Variants in CDH11 observed in about 807,000 individuals in gnomAD.
CDH11 encodes cadherin-11.
In CDH11, 11 loss-of-function variants were observed where a neutral mutation model predicts 67.8. That is an observed-to-expected ratio of 0.16 (90% confidence interval 0.10 to 0.27). CDH11 has a LOEUF of 0.27. CDH11 is among the 10% of genes least tolerant of loss of function. The pLI, the probability that CDH11 is intolerant of heterozygous loss-of-function variation, is 1.00. For synonymous variants in CDH11, 419 were observed against 400.0 expected (o/e 1.05, Z -0.57); for missense variants, 847 against 1,031.2 (o/e 0.82, Z 2.45).
At chr16:65,032,825 T>C (rs1014291831) in intron 2 of CDH11, among the ~76,000 whole-genome samples, 1 of 152,140 alleles carries the variant, frequency 6.6e-6, no homozygotes, top group Admixed American at 6.5e-5. Flanking sequence ...CTAACTGAGA[T>C]GAGAAATATC....
At chr16:64,998,487 G>T in intron 4 of CDH11, 75 bp downstream of exon 4, 1 of 1,384,052 alleles carries the variant, frequency 7.2e-7, no homozygotes. Context: ...CCTGATTTGG[G>T]AGAACGGGCT....
At chr16:65,061,154 G>C (rs202103456) in intron 1 of CDH11, among the ~76,000 whole-genome samples, 8 of 152,206 alleles carry the variant, frequency 5.3e-5, no homozygotes, top group African/African-American at 1.9e-4. Flanking sequence ...GTGGCTATTT[G>C]GTCCTCCCAA....
chr16:64,970,101 AC>A (rs749476401), intron 11 of CDH11, among the ~76,000 whole-genome samples: 1 of 152,188 alleles, frequency 6.6e-6, no homozygotes, highest in East Asian at 1.9e-4. Context: ...CTTTAAAAAC[AC>A]GTTTTTCTAC....
In CDH11 at chr16:65,004,743, T is replaced by C. The variant is rs1299423736; in HGVS notation, c.127A>G (p.Lys43Glu). 1.2e-6 allele frequency: 2 copies of C among 1,613,706 alleles called. No individual in the cohort carries two copies. Among genetic ancestry groups the C allele is most frequent in the Non-Finnish European group, 1.7e-6 (2 of 1,179,976 alleles). ...GAGCGCTGTAGCACCTGCCCCTCCT[T>C]GCCCTTCTCATGGTGCCCATGGAAG... ...PSFHGHHEKG[K>E]EGQVLQRSKR... The change falls in exon 3 of 13, where the codon AAG becomes GAG. Residue 43 changes from lysine (K) to glutamate (E), a missense_variant. Lys to Glu is a moderately conservative substitution (Grantham distance 56). Coordinates refer to ENST00000268603, the MANE Select transcript of CDH11 (RefSeq NM_001797.4).
chr16:64,988,631 T>C (rs766960281), intron 6 of CDH11, among the ~76,000 whole-genome samples: 7 of 152,230 alleles, frequency 4.6e-5, no homozygotes, highest in South Asian at 4.1e-4. Context: ...ACATTTCCCA[T>C]CAGGTAATGA....
intron 1 of CDH11, among the ~76,000 whole-genome samples, chr16:65,098,741 A>G (rs1362406057): frequency 6.6e-6 from 1 of 152,118 alleles, no homozygotes; most frequent in African/African-American, 2.4e-5. Context: ...TCAAATGCCT[A>G]TTACTTAAGA....
Position 65,074,468 on chromosome 16 carries a change from G to T in CDH11, c.-297-20540C>A, listed in dbSNP as rs533990079. On this transcript the variant is annotated intron_variant, in intron 1 of 12. Transcript: ENST00000268603. ...CTACATAGAATGTGATCCTAGTAGTGCCTGCCTTATAGGATTGTTGCTATA... is the reference window on the plus strand; with the variant it reads ...CTACATAGAATGTGATCCTAGTAGTTCCTGCCTTATAGGATTGTTGCTATA... 3.9e-5 allele frequency among the ~76,000 whole-genome samples: 6 copies of T among 152,290 alleles called. No individual in the cohort carries two copies. In the South Asian group the frequency reaches 8.3e-4, roughly 21 times the overall value.
At chr16:65,039,339 C>T (rs2073818124) in intron 2 of CDH11, among the ~76,000 whole-genome samples, 1 of 152,174 alleles carries the variant, frequency 6.6e-6, no homozygotes, top group Non-Finnish European at 1.5e-5. Context: ...ACCAAAACAG[C>T]ATGGTACTGG....
intron 1 of CDH11, among the ~76,000 whole-genome samples, chr16:65,060,648 T>A (rs2074223858): frequency 6.6e-6 from 1 of 152,138 alleles, no homozygotes; most frequent in Admixed American, 6.5e-5. Flanking sequence ...CCAGAATAAC[T>A]TTAACCTCTT....
At chr16:64,992,286 G>T in intron 5 of CDH11, among the ~76,000 whole-genome samples, 1 of 152,162 alleles carries the variant, frequency 6.6e-6, no homozygotes, top group East Asian at 1.9e-4. Context: ...ACAATCTTCT[G>T]TAAGTCTATT....
rs375642257 is a variant in CDH11 at position 65,107,970 on chromosome 16, G to T, written c.-298+13910C>A. ...ATCTGCCTAGAGGAAGGGAATCACAGGGCAGCCTATTAGGGAAAATTTGTC... is the reference window on the plus strand; with the variant it reads ...ATCTGCCTAGAGGAAGGGAATCACATGGCAGCCTATTAGGGAAAATTTGTC... On this transcript the variant is annotated intron_variant, in intron 1 of 12. Coordinates refer to ENST00000268603, the MANE Select transcript of CDH11 (RefSeq NM_001797.4). Among the ~76,000 whole-genome samples the T allele has an allele frequency of 6.5e-4, 99 of 152,282 alleles. No homozygotes were observed. The South Asian group carries it at 0.019, about 29-fold the overall frequency.
intron 6 of CDH11, among the ~76,000 whole-genome samples, chr16:64,989,429 G>A (rs2072574723): frequency 6.6e-6 from 1 of 152,136 alleles, no homozygotes; most frequent in Non-Finnish European, 1.5e-5. Context: ...TGCGTAGTGT[G>A]GTAGGAGAAG....
At chr16:65,066,322 T>C (rs2074312649) in intron 1 of CDH11, among the ~76,000 whole-genome samples, 1 of 152,174 alleles carries the variant, frequency 6.6e-6, no homozygotes, top group African/African-American at 2.4e-5. Context: ...TGTGGCATCA[T>C]CTCCGCCAAC....
rs1224450761 is a variant in CDH11 at position 64,946,191 on chromosome 16, C to T, written c.*1412G>A. On this transcript the variant is annotated 3_prime_UTR_variant, in exon 13 of 13. Transcript: ENST00000268603. ...CCATTCTCATTAAAACATAAAATGC[C>T]ACATCATTTTACAATTAGTTAAAAT... The T allele has an allele frequency of 2.9e-6, 3 of 1,051,004 alleles. No homozygotes were observed. The African/African-American group carries it at 5.0e-5, about 17-fold the overall frequency. The allele number at this position is 1,051,004 out of a possible 1,614,324, so 65.1% of individuals were successfully genotyped here. A position where few individuals can be genotyped will look rare whatever the true frequency, so the allele number is the denominator to read the frequency against.
At chr16:64,976,709 A>G (rs972846219) in intron 8 of CDH11, among the ~76,000 whole-genome samples, 1 of 152,116 alleles carries the variant, frequency 6.6e-6, no homozygotes, top group African/African-American at 2.4e-5. Flanking sequence ...AATATACAAA[A>G]TTAGCTGGGC....
intron 1 of CDH11, among the ~76,000 whole-genome samples, chr16:65,108,694 A>AC (rs1193831514): frequency 6.6e-6 from 1 of 151,890 alleles, no homozygotes; most frequent in Admixed American, 6.6e-5. Context: ...TAAAAAAAAA[A>AC]ACTTTTAAAC....
intron 12 of CDH11, among the ~76,000 whole-genome samples, chr16:64,949,504 G>A (rs932921427): frequency 2.8e-5 from 4 of 144,126 alleles, no homozygotes; most frequent in East Asian, 2.1e-4. Context: ...TTGGCTCACC[G>A]CAACCTTTGC....
rs2071166971 is a variant in CDH11 at position 64,944,807 on chromosome 16, A to G, written c.*2796T>C. 4.4e-6 allele frequency: 1 copy of G among 229,162 alleles called. No individual in the cohort carries two copies. Among genetic ancestry groups the G allele is most frequent in the Admixed American group, 5.7e-5 (1 of 17,642 alleles). The allele number at this position is 229,162 out of a possible 1,614,324, so 14.2% of individuals were successfully genotyped here. On this transcript the variant is annotated 3_prime_UTR_variant, in exon 13 of 13. Coordinates refer to ENST00000268603, the MANE Select transcript of CDH11 (RefSeq NM_001797.4). ...TTCCGCTCACACTCTATATCTCACC[A>G]TCTCCTTCCTGTTATATCTTTTATG...
chr16:65,081,467 G>A (rs1409637175), intron 1 of CDH11, among the ~76,000 whole-genome samples: 7 of 152,180 alleles, frequency 4.6e-5, no homozygotes, highest in Non-Finnish European at 7.4e-5. Flanking sequence ...TACGCGGGAG[G>A]CTGAGGCAGG....
Sources: allele counts gnomAD v4.1 joint callset (sites outside exome capture counted in the v4.1 genomes callset), GRCh38; gene constraint gnomAD v4.1.1; transcripts MANE v1.5; gene names NCBI Gene and HGNC (gene_info 2026-07-23, HGNC 2026-07-21).